Variants in RAPGEF3 observed in about 807,000 individuals in gnomAD.
RAPGEF3 encodes the protein 9330170P05Rik.
Under a neutral mutation model 129.8 loss-of-function variants are expected in RAPGEF3, and 103 were observed. The observed-to-expected ratio is 0.79, with a 90% CI of 0.68 to 0.93. RAPGEF3 has a LOEUF of 0.93. Among genes scored for constraint, RAPGEF3 ranks in the 40% least tolerant of loss-of-function variants. RAPGEF3 has a pLI of 0.00. For missense variants in RAPGEF3, 1,117 were observed against 1,207.4 expected (o/e 0.93, Z 1.11); for synonymous variants, 436 against 482.6 (o/e 0.90, Z 1.26).
chr12:47,748,128 A>T lies in RAPGEF3; in HGVS notation c.1268T>A (p.Leu423Gln). The T allele has an allele frequency of 1.3e-6, 2 of 1,588,034 alleles. No homozygotes were observed. Among genetic ancestry groups the T allele is most frequent in the Non-Finnish European group, 1.7e-6 (2 of 1,166,996 alleles). The change falls in exon 13 of 28, where the codon CTG becomes CAG. Residue 423 changes from leucine (L) to glutamine (Q), a missense_variant. Leu to Gln is a moderately radical substitution (Grantham distance 113, BLOSUM62 -2). Transcript: ENST00000449771. The stretch of plus-strand genomic sequence containing the variant: ...GCTGGGCATGAAGACCCTGTGGGTC[A>T]GGAGGAAGTCGCTGAGGAATGTCTC... Reference protein sequence around the residue: ...PTETFLSDFLLTHRVFMPSAQ... With the variant: ...PTETFLSDFLQTHRVFMPSAQ...
Position 47,749,548 on chromosome 12 carries a change from C to A in RAPGEF3, c.895-12G>T. On this transcript the variant is annotated splice_polypyrimidine_tract_variant and intron_variant, in intron 9 of 27. Coordinates refer to ENST00000449771, the MANE Select transcript of RAPGEF3 (RefSeq NM_001098531.4). This position sits in a 1 kb window ranked among gnomAD's most constrained non-coding sequence, Gnocchi z 4.5. The stretch of plus-strand genomic sequence containing the variant: ...GTGGTCACCAGCCCCTGCAGCCAGG[C>A]CTCAGTCTCAGCCCGCCCCTGCCGC... 6.2e-7 allele frequency: 1 copy of A among 1,607,152 alleles called. No homozygotes were observed. Among genetic ancestry groups the A allele is most frequent in the Non-Finnish European group, 8.5e-7 (1 of 1,179,640 alleles).
chr12:47,740,432 G>A (rs776151438), intron 21 of RAPGEF3, 37 bp from the exon 22 acceptor site: 201 of 1,594,862 alleles, frequency 1.3e-4, no homozygotes, highest in Non-Finnish European at 1.5e-4. Flanking sequence ...CAGGGTAAGG[G>A]AAGCAGCCAC....
chr12:47,748,846 G>C lies in RAPGEF3; in HGVS notation c.1127C>G (p.Ser376Cys), dbSNP rs1286924408. Reference sequence around the variant, plus strand: ...GTTCCTGCCTGGGGTTGGGGGTCGGGAAGGGCCGGCGCCCTGAGAGGCTCT... The same window carrying C: ...GTTCCTGCCTGGGGTTGGGGGTCGGCAAGGGCCGGCGCCCTGAGAGGCTCT... Reference protein sequence around the residue: ...LERASQGAGPSRPPTPGRNRY... With the variant: ...LERASQGAGPCRPPTPGRNRY... Residue 376 changes from serine to cysteine, a missense_variant, in exon 11 of 28, where the codon TCC (serine) becomes TGC (cysteine). Around this residue, in one of 3 missense-constraint regions of RAPGEF3, gnomAD observed 107 missense variants for 160.7 expected, o/e 0.67. Transcript: ENST00000449771. 6.2e-7 allele frequency: 1 copy of C among 1,613,780 alleles called. No individual in the cohort carries two copies. The highest frequency in any genetic ancestry group is 2.2e-5 in the East Asian group (1 of 44,892).
Position 47,758,771 on chromosome 12 carries a change from G to C in RAPGEF3, c.-215C>G. 1 of 1,240,456 alleles carries C rather than the reference G, an allele frequency of 8.1e-7. No individual in the cohort carries two copies. The highest frequency in any genetic ancestry group is 1.0e-6 in the Non-Finnish European group (1 of 990,668). The allele number at this position is 1,240,456 out of a possible 1,614,324, so 76.8% of individuals were successfully genotyped here. A position where few individuals can be genotyped will look rare whatever the true frequency, so the allele number is the denominator to read the frequency against. On this transcript the variant is annotated 5_prime_UTR_variant, in exon 1 of 28. Transcript: ENST00000449771. Reference sequence around the variant, plus strand: ...CTCTTGGGTGAGTAGAGGGGTGGGGGCGTGGTGGGGGGACGCCACCCAGCC... The same window carrying C: ...CTCTTGGGTGAGTAGAGGGGTGGGGCCGTGGTGGGGGGACGCCACCCAGCC...
intron 7 of RAPGEF3, 72 bp downstream of exon 7, chr12:47,750,269 T>G (rs977306898): frequency 1.8e-5 from 26 of 1,456,642 alleles, no homozygotes; most frequent in Non-Finnish European, 2.4e-5. Flanking sequence ...GGCCCAGCAG[T>G]TGGAGTTTCA....
intron 15 of RAPGEF3, 37 bp from the exon 16 acceptor site, chr12:47,746,936 G>C (rs760709889): frequency 4.4e-6 from 7 of 1,590,328 alleles, no homozygotes; most frequent in Non-Finnish European, 6.0e-6. Flanking sequence ...GTGAGCCCAG[G>C]TATCCCTGGG....
In RAPGEF3 at chr12:47,749,586, C is replaced by T. The variant is rs747792009; in HGVS notation, c.895-50G>A. On this transcript the variant is annotated intron_variant, in intron 9 of 27. Transcript: ENST00000449771. The surrounding 1 kb of genome is among the most constrained non-coding windows in gnomAD (Gnocchi z 4.5). ...CCGCCCCTGCCGCCCCTGCCGCCCC[C>T]AGCTCTTGCCAGGACAGACCCACGG... The T allele has an allele frequency of 6.4e-7, 1 of 1,558,402 alleles. No homozygotes were observed. Among genetic ancestry groups the T allele is most frequent in the Admixed American group, 1.9e-5 (1 of 52,196 alleles).
At chr12:47,756,707 A>G (rs1942074672) in intron 2 of RAPGEF3, among the ~76,000 whole-genome samples, 1 of 152,194 alleles carries the variant, frequency 6.6e-6, no homozygotes, top group Non-Finnish European at 1.5e-5. Context: ...GCAATGGCTC[A>G]TGCTTGTAAT....
chr12:47,741,496 G>C lies in RAPGEF3; in HGVS notation c.1923+9C>G, dbSNP rs1436051318. ...CTCCCTGGGCCCTGGCACCCTGCCTGGTCCCTACCAGCTCATGCACTTCCT... is the reference window on the plus strand; with the variant it reads ...CTCCCTGGGCCCTGGCACCCTGCCTCGTCCCTACCAGCTCATGCACTTCCT... On this transcript the variant is annotated intron_variant, in intron 19 of 27. Coordinates refer to ENST00000449771, the MANE Select transcript of RAPGEF3 (RefSeq NM_001098531.4). 4 of 1,612,102 alleles carry C rather than the reference G, an allele frequency of 2.5e-6. No homozygotes were observed. The highest frequency in any genetic ancestry group is 2.7e-5 in the African/African-American group (2 of 75,026).
In RAPGEF3 at chr12:47,751,415, T is replaced by C. The variant is rs1441449519; in HGVS notation, c.486A>G (p.Glu162=). 3 of 1,613,944 alleles carry C rather than the reference T, an allele frequency of 1.9e-6. No homozygotes were observed. The highest frequency in any genetic ancestry group is 2.2e-5 in the East Asian group (1 of 44,872). ...CGGGCTCACCATGGCAGAGGGCACC[T>C]TCATCCAGCAGCACCTGGCAGATTC... ...VVGICQVLLD[E]GALCHVKHDW... The change falls in exon 5 of 28, where the codon GAA becomes GAG. Residue 162 remains glutamate (E), a synonymous_variant. Transcript: ENST00000449771.
chr12:47,752,352 C>T (rs896361364), intron 2 of RAPGEF3, among the ~76,000 whole-genome samples: 2 of 152,192 alleles, frequency 1.3e-5, no homozygotes, highest in Non-Finnish European at 2.9e-5. Context: ...AGATGGGAGC[C>T]AGGATGTGAG....
Position 47,757,973 on chromosome 12 carries a change from C to A in RAPGEF3, c.112G>T (p.Gly38Trp), listed in dbSNP as rs1289040772. ...CTCAACACCATGTTGAGTAGTGTCCCCTCCGGCACCACGTCAGGGAGGGCT... is the reference window on the plus strand; with the variant it reads ...CTCAACACCATGTTGAGTAGTGTCCACTCCGGCACCACGTCAGGGAGGGCT... ...VGALPDVVPE[G>W]TLLNMVLRRM... Residue 38 changes from glycine (G) to tryptophan (W), a missense_variant, in exon 2 of 28, where the codon GGG becomes TGG. By Grantham distance (184) the Gly-to-Trp change is radical. Transcript: ENST00000449771. The A allele has an allele frequency of 2.6e-6, 4 of 1,565,176 alleles. No homozygotes were observed. The highest frequency in any genetic ancestry group is 3.5e-6 in the Non-Finnish European group (4 of 1,154,414).
Position 47,740,771 on chromosome 12 carries a change from G to C in RAPGEF3, c.2102C>G (p.Thr701Ser). 6.2e-7 allele frequency: 1 copy of C among 1,614,088 alleles called. No homozygotes were observed. The highest frequency in any genetic ancestry group is 1.7e-5 in the Admixed American group (1 of 60,028). The change falls in exon 21 of 28, where the codon ACC (threonine) becomes AGC (serine). Residue 701 changes from threonine to serine, a missense_variant. Physicochemically the swap from Thr to Ser is moderately conservative, Grantham distance 58. Transcript: ENST00000449771. ...GCGCATGAAGCGCTCCAGGTTGGCG[G>C]TGGTGACATCCCGCAGATGCTGGGG... ...LGPQHLRDVT[T>S]ANLERFMRRF...
chr12:47,734,564 T>C lies in RAPGEF3; in HGVS notation c.*3003A>G, dbSNP rs1479010224. Reference sequence around the variant, plus strand: ...CAAACCTGCCTGTGCCTCAGTTTCTTTGACTGTAAAACCAGAGTAAAAATA... The same window carrying C: ...CAAACCTGCCTGTGCCTCAGTTTCTCTGACTGTAAAACCAGAGTAAAAATA... On this transcript the variant is annotated 3_prime_UTR_variant, in exon 28 of 28. Coordinates refer to ENST00000449771, the MANE Select transcript of RAPGEF3 (RefSeq NM_001098531.4). 1 of 152,242 alleles carries C rather than the reference T, an allele frequency of 6.6e-6. No homozygotes were observed. The highest frequency in any genetic ancestry group is 1.5e-5 in the Non-Finnish European group (1 of 68,048). The allele number at this position is 152,242 out of a possible 1,614,324, so 9.4% of individuals were successfully genotyped here. A position where few individuals can be genotyped will look rare whatever the true frequency, so the allele number is the denominator to read the frequency against.
At position 47,750,934 on chromosome 12, in the gene RAPGEF3, G is replaced by A. The variant is rs377621964; in HGVS notation, c.671+114C>T. The A allele has an allele frequency of 1.7e-5, 24 of 1,448,236 alleles. No individual in the cohort carries two copies. The African/African-American group carries it at 1.7e-4, about 10-fold the overall frequency. The allele number at this position is 1,448,236 out of a possible 1,614,324, so 89.7% of individuals were successfully genotyped here. On this transcript the variant is annotated intron_variant, in intron 6 of 27. Coordinates refer to ENST00000449771, the MANE Select transcript of RAPGEF3 (RefSeq NM_001098531.4). ...CGCCAGGGGCTTCTGGGCCAGCCAG[G>A]TTCCCTTCCCTCCACAACAGGTAAG...
chr12:47,743,987 C>A lies in RAPGEF3; in HGVS notation c.1678G>T (p.Val560Phe). Residue 560 changes from valine to phenylalanine, a missense_variant and splice_region_variant, in exon 17 of 28, where the codon GTC becomes TTC. Physicochemically the swap from Val to Phe is conservative, Grantham distance 50 (BLOSUM62 -1). This residue lies in a region of RAPGEF3 where 643 missense variants were observed against 673.4 expected (regional missense o/e 0.95). Transcript: ENST00000449771. ...TGCCCAGCCGGCACAGACCACCAAC[C>A]TTTATCCCCAACTTGGATGGCACAG... The part of the protein sequence containing the change: ...SSCAIQVGDK[V>F]PYDICRPDHS... The A allele has an allele frequency of 1.9e-6, 3 of 1,602,076 alleles. No homozygotes were observed. Among genetic ancestry groups the A allele is most frequent in the Non-Finnish European group, 2.6e-6 (3 of 1,169,320 alleles).
chr12:47,740,604 G>T (rs552854526), intron 21 of RAPGEF3, 38 bp downstream of exon 21: 4 of 1,573,802 alleles, frequency 2.5e-6, no homozygotes, highest in African/African-American at 2.7e-5. Flanking sequence ...TAGCCGGGGG[G>T]ACTCTGGCCA....
intron 2 of RAPGEF3, chr12:47,752,756 G>A (rs1941826562): frequency 6.6e-6 from 1 of 152,276 alleles, no homozygotes; most frequent in Admixed American, 6.5e-5. Context: ...GAGGCATTAG[G>A]GTGGGGCTGC....
chr12:47,738,782 G>A (rs1940954997), intron 24 of RAPGEF3, 28 bp from the exon 25 acceptor site: 1 of 1,578,804 alleles, frequency 6.3e-7, no homozygotes. Flanking sequence ...TTGTTCATAG[G>A]TCCCCAAACT....
Sources: allele counts gnomAD v4.1 joint callset (sites outside exome capture counted in the v4.1 genomes callset), GRCh38; gene constraint gnomAD v4.1.1; regional missense constraint gnomAD v4.1.1; non-coding constraint Gnocchi (gnomAD v3.1); transcripts MANE v1.5; gene names NCBI Gene and HGNC (gene_info 2026-07-23, HGNC 2026-07-21).